The following GRID2 variants were observed in gnomAD, a reference collection of about 807,000 sequenced individuals.
GRID2 encodes the protein glutamate receptor ionotropic, delta-2.
A neutral mutation model predicts 114.8 loss-of-function variants in GRID2; 33 were observed. The ratio of observed to expected loss-of-function variants is 0.29; its 90% CI spans 0.22 to 0.38. The LOEUF (loss-of-function observed/expected upper bound fraction) is 0.38. Among genes scored for constraint, GRID2 ranks in the 10% least tolerant of loss-of-function variants. The pLI, the probability that GRID2 is intolerant of heterozygous loss-of-function variation, is 1.00. For synonymous variants in GRID2, 505 were observed against 449.9 expected, an observed-to-expected ratio of 1.12 and a Z score of -1.55; for missense variants, 1,184 against 1,257.7, an observed-to-expected ratio of 0.94 and a Z score of 0.89.
chr4:93,075,484 C>T (rs1046205392), intron 2 of GRID2, among the ~76,000 whole-genome samples: 7 of 151,920 alleles, frequency 4.6e-5, no homozygotes, highest in Non-Finnish European at 7.4e-5. Flanking sequence ...TGCAATAAGG[C>T]ATGGAAAAGA....
At chr4:93,166,458 A>G (rs1181737172) in intron 4 of GRID2, among the ~76,000 whole-genome samples, 1 of 152,160 alleles carries the variant, frequency 6.6e-6, no homozygotes, top group African/African-American at 2.4e-5. Context: ...AAATATTTGG[A>G]GAAAGAGACC....
intron 1 of GRID2, among the ~76,000 whole-genome samples, chr4:92,425,510 G>A (rs950486126): frequency 6.6e-6 from 1 of 152,022 alleles, no homozygotes; most frequent in African/African-American, 2.4e-5. Flanking sequence ...TTCATGAAAC[G>A]ATGATTTCTT....
Position 93,373,937 on chromosome 4 carries a change from T to C in GRID2, c.1246-21670T>C, listed in dbSNP as rs543719449. Among the ~76,000 whole-genome samples, 21 of 135,170 alleles carry C rather than the reference T, an allele frequency of 1.6e-4. No individual in the cohort carries two copies. In the South Asian group the frequency reaches 4.4e-3, roughly 28 times the overall value. The allele number at this position is 135,170 out of a possible 152,430, so 88.7% of individuals were successfully genotyped here. On this transcript the variant is annotated intron_variant, in intron 8 of 15. Coordinates refer to ENST00000282020, the MANE Select transcript of GRID2 (RefSeq NM_001510.4). Reference sequence around the variant, plus strand: ...GAAATAAGTGCTAAATTTCCAAAGATTGATCTACACTACAGAAGGCTTATT... The same window carrying C: ...GAAATAAGTGCTAAATTTCCAAAGACTGATCTACACTACAGAAGGCTTATT...
At chr4:92,581,082 T>G (rs1728162969) in intron 1 of GRID2, among the ~76,000 whole-genome samples, 1 of 151,914 alleles carries the variant, frequency 6.6e-6, no homozygotes, top group African/African-American at 2.4e-5. Flanking sequence ...AAGGTTCTGG[T>G]TGAATCTTCA....
At chr4:93,411,553 G>A (rs1767137021) in intron 9 of GRID2, among the ~76,000 whole-genome samples, 1 of 151,752 alleles carries the variant, frequency 6.6e-6, no homozygotes, top group South Asian at 2.1e-4. Flanking sequence ...TCCCGCCTCA[G>A]CCTCCAGAGT....
At chr4:93,358,305 C>G (rs1014982466) in intron 8 of GRID2, among the ~76,000 whole-genome samples, 1 of 151,518 alleles carries the variant, frequency 6.6e-6, no homozygotes, top group African/African-American at 2.4e-5. Context: ...TTTTCTTGTT[C>G]CTGATTTTAA....
intron 11 of GRID2, among the ~76,000 whole-genome samples, chr4:93,469,041 A>G (rs1404695459): frequency 2.6e-5 from 4 of 152,092 alleles, no homozygotes; most frequent in Non-Finnish European, 5.9e-5. Flanking sequence ...TCAGACACAT[A>G]TGGTTATCCA....
chr4:92,701,854 G>A (rs1013878305), intron 2 of GRID2, among the ~76,000 whole-genome samples: 3 of 152,134 alleles, frequency 2.0e-5, no homozygotes, highest in African/African-American at 4.8e-5. Context: ...TGGTTAGGGC[G>A]ACCTCGGGGC....
chr4:93,456,934 C>T (rs552322014), intron 11 of GRID2, among the ~76,000 whole-genome samples: 1 of 152,078 alleles, frequency 6.6e-6, no homozygotes, highest in South Asian at 2.1e-4. Flanking sequence ...TTCCCTCCAC[C>T]CTTCCATATC....
intron 1 of GRID2, among the ~76,000 whole-genome samples, chr4:92,480,313 T>TTTTG (rs1722519967): frequency 1.3e-5 from 2 of 152,184 alleles, no homozygotes; most frequent in South Asian, 4.1e-4. Context: ...AATTTTATTT[T>TTTTG]CATAAGTTTG....
intron 2 of GRID2, among the ~76,000 whole-genome samples, chr4:92,686,646 T>C (rs1348220535): frequency 6.6e-6 from 1 of 152,040 alleles, no homozygotes; most frequent in Admixed American, 6.5e-5. Context: ...TAAATATACC[T>C]GTTAATATTT....
At chr4:93,053,282 C>T (rs1052718798) in intron 2 of GRID2, among the ~76,000 whole-genome samples, 4 of 151,924 alleles carry the variant, frequency 2.6e-5, no homozygotes, top group Admixed American at 1.3e-4. Context: ...ATGTGTATTA[C>T]TGAGCCCTTT....
At chr4:92,966,759 T>C (rs1034606387) in intron 2 of GRID2, among the ~76,000 whole-genome samples, 1 of 151,972 alleles carries the variant, frequency 6.6e-6, no homozygotes, top group East Asian at 1.9e-4. Context: ...AAACCTCTTT[T>C]TCTGCATAAA....
rs530778510 is a variant in GRID2, at chr4:93,804,824, T to G, written c.222-1891T>G. Among the ~76,000 whole-genome samples the G allele has an allele frequency of 2.7e-3, 413 of 152,340 alleles. 3 individuals carry two copies. The highest frequency in any genetic ancestry group is 4.6e-3 in the Non-Finnish European group (311 of 68,030). On this transcript the variant is annotated intron_variant, in intron 1 of 1. Coordinates refer to the GRID2 transcript ENST00000637838. ...CCAGTCCTACCTCCTCCATGATTTC[T>G]TCTTTTATTATTCTAAAACTTTATC...
chr4:92,704,481 G>A (rs184943430), intron 2 of GRID2, among the ~76,000 whole-genome samples: 6 of 152,042 alleles, frequency 3.9e-5, no homozygotes, highest in African/African-American at 1.4e-4. Context: ...AAAAGGCAAG[G>A]GAACCACATA....
At chr4:92,602,011 C>A (rs1190016575) in intron 2 of GRID2, among the ~76,000 whole-genome samples, 1 of 151,680 alleles carries the variant, frequency 6.6e-6, no homozygotes, top group Non-Finnish European at 1.5e-5. Context: ...GAAATTGAGG[C>A]AGTCATAAAT....
At chr4:93,443,739 T>G (rs1721832408) in intron 10 of GRID2, among the ~76,000 whole-genome samples, 1 of 151,428 alleles carries the variant, frequency 6.6e-6, no homozygotes, top group African/African-American at 2.4e-5. Flanking sequence ...GCTAAGAGCT[T>G]CATATGGAAA....
intron 2 of GRID2, among the ~76,000 whole-genome samples, chr4:92,899,605 C>T (rs1747421986): frequency 6.6e-6 from 1 of 152,066 alleles, no homozygotes; most frequent in Non-Finnish European, 1.5e-5. Context: ...TTGTTTTATT[C>T]ATTTACATTT....
chr4:93,003,877 T>C (rs1331622507), intron 2 of GRID2, among the ~76,000 whole-genome samples: 1 of 151,908 alleles, frequency 6.6e-6, no homozygotes, highest in Non-Finnish European at 1.5e-5. Flanking sequence ...CCACAGGACT[T>C]TACAATTGTG....
Sources: allele counts gnomAD v4.1 joint callset (sites outside exome capture counted in the v4.1 genomes callset), GRCh38; gene constraint gnomAD v4.1.1; transcripts MANE v1.5; gene names NCBI Gene and HGNC (gene_info 2026-07-23, HGNC 2026-07-21).